The following COX10 variants were observed in gnomAD, a reference collection of about 807,000 sequenced individuals.
The protein encoded by COX10 is cytochrome c oxidase assembly factor heme A:farnesyltransferase COX10, also known as protoheme IX farnesyltransferase, mitochondrial.
Under a neutral mutation model 37.3 loss-of-function variants are expected in COX10, and 27 were observed. The ratio of observed to expected loss-of-function variants is 0.72; its 90% CI spans 0.53 to 1.00. COX10 has a LOEUF of 1.00. Among genes scored for constraint, COX10 ranks in the 50% least tolerant of loss-of-function variants. COX10 has a pLI of 0.00. For missense variants in COX10, 475 were observed against 563.2 expected (o/e 0.84, Z 1.59); for synonymous variants, 222 against 229.1 (o/e 0.97, Z 0.28).
intron 4 of COX10, among the ~76,000 whole-genome samples, chr17:14,131,433 G>A (rs1916462447): frequency 6.6e-6 from 1 of 151,888 alleles, no homozygotes; most frequent in Non-Finnish European, 1.5e-5. Flanking sequence ...TTTCATATAT[G>A]AGTATCAGTA....
chr17:14,191,449 T>C (rs1222434593), intron 5 of COX10, among the ~76,000 whole-genome samples: 2 of 151,990 alleles, frequency 1.3e-5, no homozygotes, highest in Admixed American at 6.6e-5. Flanking sequence ...AGGCACTTCA[T>C]TGCTACTCAT....
At chr17:14,093,210 G>A (rs867929473) in intron 3 of COX10, among the ~76,000 whole-genome samples, 19 of 152,164 alleles carry the variant, frequency 1.2e-4, no homozygotes, top group African/African-American at 4.6e-4. Context: ...AGAATTGATA[G>A]TTATCCAACT....
chr17:14,181,457 C>T (rs1364086437), intron 5 of COX10, among the ~76,000 whole-genome samples: 3 of 151,496 alleles, frequency 2.0e-5, no homozygotes, highest in Non-Finnish European at 1.5e-5. Flanking sequence ...GGTAGCTGCA[C>T]GTGCACGCAG....
At chr17:14,125,958 C>T (rs1477801420) in intron 4 of COX10, among the ~76,000 whole-genome samples, 3 of 152,128 alleles carry the variant, frequency 2.0e-5, no homozygotes, top group Non-Finnish European at 4.4e-5. Context: ...CTATTAGGAG[C>T]CAAAGCCATC....
At chr17:14,182,193 C>T (rs1597540405) in intron 5 of COX10, 2 of 929,398 alleles carry the variant, frequency 2.2e-6, no homozygotes, top group East Asian at 2.4e-4. Context: ...ACTCAGGAGG[C>T]TGAGGTGGGA....
At chr17:14,106,585 CTTTTG>C (rs1185632766) in intron 4 of COX10, among the ~76,000 whole-genome samples, 2 of 152,156 alleles carry the variant, frequency 1.3e-5, no homozygotes, top group Non-Finnish European at 2.9e-5. Context: ...TCTTCCCAGT[CTTTTG>C]TTTGTTTGAA....
intron 5 of COX10, among the ~76,000 whole-genome samples, chr17:14,176,478 T>C (rs1306060371): frequency 6.6e-6 from 1 of 152,196 alleles, no homozygotes; most frequent in African/African-American, 2.4e-5. Context: ...ACCTCTTCTC[T>C]ACTGAGAGTC....
chr17:14,088,666 T>C (rs1309511490), intron 3 of COX10, among the ~76,000 whole-genome samples: 1 of 152,202 alleles, frequency 6.6e-6, no homozygotes, highest in Non-Finnish European at 1.5e-5. Flanking sequence ...GAGAATTGGC[T>C]CAACATCACA....
At chr17:14,160,693 A>G (rs1905155861) in intron 5 of COX10, among the ~76,000 whole-genome samples, 1 of 152,224 alleles carries the variant, frequency 6.6e-6, no homozygotes, top group South Asian at 2.1e-4. Context: ...AAGCAAGTGT[A>G]TATGCAGTCA....
chr17:14,150,431 T>C (rs937239353), intron 4 of COX10, among the ~76,000 whole-genome samples: 1 of 152,186 alleles, frequency 6.6e-6, no homozygotes, highest in Non-Finnish European at 1.5e-5. Context: ...CCGTGCAATA[T>C]TAATGTTTGA....
chr17:14,192,560 G>A (rs1264610601), intron 6 of COX10, among the ~76,000 whole-genome samples: 1 of 152,238 alleles, frequency 6.6e-6, no homozygotes, highest in East Asian at 1.9e-4. Context: ...AATTCATGGG[G>A]CGGGGAGAAG....
At chr17:14,151,666 A>G (rs182350102) in intron 4 of COX10, among the ~76,000 whole-genome samples, 14 of 152,210 alleles carry the variant, frequency 9.2e-5, no homozygotes, top group Admixed American at 7.9e-4. Flanking sequence ...TTGTAATTGG[A>G]ATCCTCTTTC....
Position 14,074,537 on chromosome 17 carries a change from T to G in COX10, c.177+81T>G, listed in dbSNP as rs1032236193. On this transcript the variant is annotated intron_variant, in intron 2 of 6. Coordinates refer to ENST00000261643, the MANE Select transcript of COX10 (RefSeq NM_001303.4). ...AGAATTTCAGAAATTCCTATTTAAT[T>G]AAAGTTTTAAGAAATACTGTTTGAA... The G allele has an allele frequency of 5.2e-6, 7 of 1,335,098 alleles. No individual in the cohort carries two copies. In the African/African-American group the frequency reaches 8.6e-5, roughly 16 times the overall value. 82.7% of individuals were successfully genotyped at this position (1,335,098 alleles called of 1,614,324 possible).
chr17:14,137,766 A>G (rs1952944214), intron 4 of COX10, among the ~76,000 whole-genome samples: 3 of 152,046 alleles, frequency 2.0e-5, no homozygotes, highest in Admixed American at 6.6e-5. Flanking sequence ...ATTAAGGTAG[A>G]CTAGAAAGGG....
chr17:14,204,730 G>A (rs1217672630), intron 6 of COX10, among the ~76,000 whole-genome samples: 4 of 152,000 alleles, frequency 2.6e-5, no homozygotes, highest in Non-Finnish European at 5.9e-5. Flanking sequence ...CTCACACAGA[G>A]GTACACATAC....
chr17:14,206,811 C>T lies in COX10; in HGVS notation c.930C>T (p.Gly310=), dbSNP rs184365786. 72 of 1,614,108 alleles carry T rather than the reference C, an allele frequency of 4.5e-5. No homozygotes were observed. Among genetic ancestry groups the T allele is most frequent in the African/African-American group, 4.1e-4 (31 of 75,048 alleles). The change falls in exon 7 of 7, where the codon GGC becomes GGT. Residue 310 remains glycine, a splice_region_variant and synonymous_variant. Transcript: ENST00000261643. ...TCTCCTTCCCTGACCCCCGCACAGG[C>T]GCATTTCTCCTGGGAGGAATCCTCT... is the stretch of plus-strand genomic sequence containing the variant. The part of the protein sequence containing the change: ...WTAATGSLDA[G]AFLLGGILYS...
In COX10 at chr17:14,074,291, T is replaced by C. The variant is rs748725533; in HGVS notation, c.44-32T>C. On this transcript the variant is annotated intron_variant, in intron 1 of 6. Transcript: ENST00000261643. ...CATTTGATAAGAAGTACGAATCATTTAACCTTTCTTCCACTTCTCTCTCTA... is the reference window on the plus strand; with the variant it reads ...CATTTGATAAGAAGTACGAATCATTCAACCTTTCTTCCACTTCTCTCTCTA... 5.6e-6 allele frequency: 9 copies of C among 1,613,640 alleles called. No individual in the cohort carries two copies. The East Asian group carries it at 1.6e-4, about 28-fold the overall frequency.
At chr17:14,190,705 G>A (rs919284773) in intron 5 of COX10, among the ~76,000 whole-genome samples, 4 of 152,092 alleles carry the variant, frequency 2.6e-5, no homozygotes, top group African/African-American at 9.6e-5. Flanking sequence ...ACTTCATTCC[G>A]TACTGTAGTT....
At chr17:14,104,178 T>G (rs1915843424) in intron 4 of COX10, among the ~76,000 whole-genome samples, 1 of 152,066 alleles carries the variant, frequency 6.6e-6, no homozygotes, top group Non-Finnish European at 1.5e-5. Flanking sequence ...CTTCCACTTG[T>G]CTCAGGCTGT....
Sources: allele counts gnomAD v4.1 joint callset (sites outside exome capture counted in the v4.1 genomes callset), GRCh38; gene constraint gnomAD v4.1.1; transcripts MANE v1.5; gene names NCBI Gene and HGNC (gene_info 2026-07-23, HGNC 2026-07-21).